Variants in DHRSX observed in about 807,000 individuals in gnomAD.
The protein encoded by DHRSX is polyprenol dehydrogenase.
In DHRSX, 31 loss-of-function variants were observed where a neutral mutation model predicts 34.0. The observed-to-expected ratio is 0.91, with a 90% CI of 0.69 to 1.23. DHRSX has a LOEUF of 1.23. Ranked by LOEUF, DHRSX falls within the 50% of genes most tolerant of loss-of-function variation. DHRSX has a pLI of 0.00. For missense variants in DHRSX, 414 were observed against 428.1 expected, an observed-to-expected ratio of 0.97 and a Z score of 0.29; for synonymous variants, 201 against 183.8, an observed-to-expected ratio of 1.09 and a Z score of -0.76.
In DHRSX at chrX:2,375,600, TGGTTGGTTGGTTGGTC is replaced by T. The variant is rs1055295259; in HGVS notation, c.286+33129_286+33144del. ...TCAGCAAGAGAACGGCTCGATGGGATGGTTGGTTGGTTGGTCGGTTGGTTGGTTGGTTGGCTGGTTG... is the reference window on the plus strand; with the variant it reads ...TCAGCAAGAGAACGGCTCGATGGGATGGTTGGTTGGTTGGTTGGCTGGTTG... On this transcript the variant is annotated intron_variant, in intron 3 of 6. Transcript: ENST00000334651. Among the ~76,000 whole-genome samples, 253 of 135,108 alleles carry T rather than the reference TGGTTGGTTGGTTGGTC, an allele frequency of 1.9e-3. 52 individuals carry two copies. The highest frequency in any genetic ancestry group is 4.3e-3 in the Admixed American group (58 of 13,524). 88.6% of individuals were successfully genotyped at this position (135,108 alleles called of 152,430 possible).
Position 2,390,617 on chromosome X carries a change from A to G in DHRSX, c.286+18128T>C, listed in dbSNP as rs2043324711. ...CTTGCCAAATGGAAACTCTGTTCCC[A>G]TTAAACATTAAGTCCCCACCTTTTC... On this transcript the variant is annotated intron_variant, in intron 3 of 6. Transcript: ENST00000334651. Among the ~76,000 whole-genome samples the G allele has an allele frequency of 2.6e-5, 4 of 152,234 alleles. No homozygotes were observed. In the South Asian group the frequency reaches 8.3e-4, roughly 31 times the overall value.
At chrX:2,321,598 TGC>T (rs1381886794) in intron 3 of DHRSX, among the ~76,000 whole-genome samples, 4 of 151,968 alleles carry the variant, frequency 2.6e-5, no homozygotes, top group Non-Finnish European at 5.9e-5. Flanking sequence ...CTCTCTGCCC[TGC>T]GAGACCATCT....
At chrX:2,346,419 CA>C (rs2042712668) in intron 3 of DHRSX, among the ~76,000 whole-genome samples, 1 of 152,080 alleles carries the variant, frequency 6.6e-6, no homozygotes, top group Non-Finnish European at 1.5e-5. Flanking sequence ...CTCTGCAAAT[CA>C]GTGTATTTTT....
chrX:2,243,803 T>TG (rs1569478888), intron 5 of DHRSX, among the ~76,000 whole-genome samples: 1 of 81,980 alleles, frequency 1.2e-5, no homozygotes, highest in African/African-American at 4.0e-5. Context: ...TTTTTTTTTT[T>TG]TTTTTTTTTT....
intron 3 of DHRSX, among the ~76,000 whole-genome samples, chrX:2,406,654 T>C (rs970513545): frequency 1.3e-5 from 2 of 151,998 alleles, no homozygotes; most frequent in African/African-American, 4.8e-5. Context: ...TTAGCCAGGC[T>C]GGTCTCGAAC....
chrX:2,487,716 A>G (rs1183769242), intron 1 of DHRSX: 3 of 152,156 alleles, frequency 2.0e-5, no homozygotes, highest in African/African-American at 7.2e-5. Context: ...TCGAAAATAC[A>G]ACACATTCCA....
chrX:2,499,158 A>T (rs56188357), intron 1 of DHRSX, among the ~76,000 whole-genome samples: 7,618 of 152,120 alleles, frequency 0.05, 620 homozygotes, highest in African/African-American at 0.17. Flanking sequence ...GGAAGTCAAA[A>T]GTCATTTCAC....
intron 1 of DHRSX, among the ~76,000 whole-genome samples, chrX:2,453,053 A>G (rs1298194112): frequency 6.6e-6 from 1 of 152,204 alleles, no homozygotes; most frequent in East Asian, 1.9e-4. Flanking sequence ...GAAAAAGGAA[A>G]TCCTGTCATT....
intron 3 of DHRSX, among the ~76,000 whole-genome samples, chrX:2,403,524 G>A (rs1011094529): frequency 6.6e-6 from 1 of 152,098 alleles, no homozygotes; most frequent in African/African-American, 2.4e-5. Context: ...ACTGATGATC[G>A]AATATCCTAC....
chrX:2,291,414 T>C (rs955351883), intron 4 of DHRSX, 88 bp downstream of exon 4: 347 of 1,000,756 alleles, frequency 3.5e-4, no homozygotes, highest in Non-Finnish European at 5.1e-4. Flanking sequence ...TATCCTGTTT[T>C]GCTGAGACAC....
rs1314754773 is a variant in DHRSX, at chrX:2,304,186, T to C, written c.287-12583A>G. Among the ~76,000 whole-genome samples the C allele has an allele frequency of 2.7e-5, 3 of 112,148 alleles. No homozygotes were observed. In the South Asian group the frequency reaches 9.0e-4, roughly 33 times the overall value. The allele number at this position is 112,148 out of a possible 152,430, so 73.6% of individuals were successfully genotyped here. On this transcript the variant is annotated intron_variant, in intron 3 of 6. Transcript: ENST00000334651. ...ATGGATGAACTGATGGATGGATGGATGGATGGATGGATGGATAAATGGATG... is the reference window on the plus strand; with the variant it reads ...ATGGATGAACTGATGGATGGATGGACGGATGGATGGATGGATAAATGGATG...
chrX:2,386,561 G>A (rs2043274825), intron 3 of DHRSX, among the ~76,000 whole-genome samples: 1 of 152,158 alleles, frequency 6.6e-6, no homozygotes, highest in Non-Finnish European at 1.5e-5. Flanking sequence ...GGAAAGTTCT[G>A]ACGGTTGAAA....
chrX:2,256,015 C>CTT (rs768032121), intron 5 of DHRSX, among the ~76,000 whole-genome samples: 9,699 of 139,870 alleles, frequency 0.069, 1,068 homozygotes, highest in African/African-American at 0.23. Flanking sequence ...ATGTGTCCCT[C>CTT]TTTTTTTTTT....
intron 1 of DHRSX, among the ~76,000 whole-genome samples, chrX:2,461,743 C>T (rs984860161): frequency 2.6e-5 from 4 of 151,924 alleles, no homozygotes; most frequent in Non-Finnish European, 5.9e-5. Flanking sequence ...CAGCATCTCT[C>T]GCTTGGTTTC....
At chrX:2,388,411 TG>T (rs1365576258) in intron 3 of DHRSX, among the ~76,000 whole-genome samples, 1 of 152,114 alleles carries the variant, frequency 6.6e-6, no homozygotes, top group Non-Finnish European at 1.5e-5. Context: ...CCAATGGGAC[TG>T]GCTCCTTATA....
At chrX:2,432,299 T>A (rs1261052314) in intron 1 of DHRSX, among the ~76,000 whole-genome samples, 1 of 152,168 alleles carries the variant, frequency 6.6e-6, no homozygotes, top group Non-Finnish European at 1.5e-5. Flanking sequence ...CAAGTCAATA[T>A]GCAAATTTGA....
intron 1 of DHRSX, chrX:2,489,072 C>T (rs755414228): frequency 1.2e-5 from 19 of 1,613,804 alleles, no homozygotes; most frequent in African/African-American, 2.7e-5. Context: ...CAGAAGATCT[C>T]GGCCAGCATG....
intron 2 of DHRSX, among the ~76,000 whole-genome samples, chrX:2,415,222 A>G (rs1348369378): frequency 2.0e-5 from 3 of 151,672 alleles, no homozygotes; most frequent in African/African-American, 7.3e-5. Flanking sequence ...ATCATGACCA[A>G]TGCACTAGAC....
chrX:2,428,891 G>GATTGT (rs1603083644), intron 1 of DHRSX, among the ~76,000 whole-genome samples: 1 of 152,184 alleles, frequency 6.6e-6, no homozygotes, highest in Non-Finnish European at 1.5e-5. Context: ...TCGCCAGGGT[G>GATTGT]ATGGTATCAG....
Sources: gnomAD v4.1 joint callset for allele counts (sites outside exome capture counted in the v4.1 genomes callset) on GRCh38, gnomAD v4.1.1 for gene constraint, MANE v1.5 for transcripts, NCBI Gene and HGNC (gene_info 2026-07-23, HGNC 2026-07-21) for gene names.